MAML2: variants seen among roughly 807,000 people sequenced by gnomAD.
MAML2 encodes mastermind-like protein 2.
In MAML2, 22 loss-of-function variants were observed where a neutral mutation model predicts 96.1. The observed-to-expected ratio is 0.23, with a 90% confidence interval of 0.16 to 0.33. The LOEUF is 0.33. MAML2 is among the 10% of genes least tolerant of loss of function. The pLI is 1.00. For synonymous variants in MAML2, 561 were observed against 521.3 expected, an observed-to-expected ratio of 1.08 and a Z score of -1.04; for missense variants, 1,367 against 1,392.4, an observed-to-expected ratio of 0.98 and a Z score of 0.29.
intron 1 of MAML2, among the ~76,000 whole-genome samples, chr11:96,148,973 C>T (rs1860872179): frequency 6.6e-6 from 1 of 152,182 alleles, no homozygotes; most frequent in South Asian, 2.1e-4. Context: ...ACATATAGCC[C>T]TATTGCTTAA....
chr11:96,230,732 A>G (rs1262822146), intron 1 of MAML2, among the ~76,000 whole-genome samples: 2 of 152,202 alleles, frequency 1.3e-5, no homozygotes, highest in African/African-American at 2.4e-5. Flanking sequence ...ATCCATACCT[A>G]TCTTTGGAAA....
intron 1 of MAML2, among the ~76,000 whole-genome samples, chr11:96,175,286 C>T (rs1426437493): frequency 2.6e-5 from 4 of 152,144 alleles, no homozygotes; most frequent in African/African-American, 9.7e-5. Flanking sequence ...GAAATGGAAA[C>T]CAAATTAAAC....
At chr11:96,220,442 C>A (rs1318893539) in intron 1 of MAML2, among the ~76,000 whole-genome samples, 1 of 152,118 alleles carries the variant, frequency 6.6e-6, no homozygotes, top group African/African-American at 2.4e-5. Context: ...ATGCTTCCTG[C>A]CTTACTCTTT....
At chr11:96,227,610 T>A (rs1862233211) in intron 1 of MAML2, among the ~76,000 whole-genome samples, 1 of 152,208 alleles carries the variant, frequency 6.6e-6, no homozygotes, top group Non-Finnish European at 1.5e-5. Flanking sequence ...TTTGACATAG[T>A]TTGCTCCTCT....
At chr11:96,248,183 G>A (rs563743191) in intron 1 of MAML2, among the ~76,000 whole-genome samples, 58 of 143,920 alleles carry the variant, frequency 4.0e-4, no homozygotes, top group Non-Finnish European at 6.9e-4. Flanking sequence ...CATGATCTCC[G>A]CTCACTGCAG....
intron 1 of MAML2, among the ~76,000 whole-genome samples, chr11:96,175,764 T>C (rs1245950139): frequency 6.6e-6 from 1 of 151,964 alleles, no homozygotes; most frequent in Admixed American, 6.6e-5. Flanking sequence ...CTATTATTTA[T>C]TTATTTATTG....
chr11:96,058,086 G>A (rs1859097360), intron 2 of MAML2, among the ~76,000 whole-genome samples: 1 of 152,226 alleles, frequency 6.6e-6, no homozygotes, highest in East Asian at 1.9e-4. Flanking sequence ...GTGTGAAGTA[G>A]AGTATCCACA....
At chr11:96,314,816 T>C (rs780033288) in intron 1 of MAML2, among the ~76,000 whole-genome samples, 3 of 152,214 alleles carry the variant, frequency 2.0e-5, no homozygotes, top group East Asian at 3.8e-4. Flanking sequence ...GAAGTAGTTA[T>C]GGGAGTGGCA....
intron 2 of MAML2, among the ~76,000 whole-genome samples, chr11:96,051,464 G>A (rs1333207163): frequency 6.6e-6 from 1 of 152,066 alleles, no homozygotes; most frequent in Non-Finnish European, 1.5e-5. Context: ...ATACTAATGT[G>A]TATTATTCTA....
intron 1 of MAML2, among the ~76,000 whole-genome samples, chr11:96,179,763 A>G (rs534539993): frequency 2.6e-4 from 39 of 151,770 alleles, no homozygotes; most frequent in African/African-American, 8.7e-4. Context: ...ACTCTCTTTC[A>G]CTCTTTCATG....
intron 2 of MAML2, among the ~76,000 whole-genome samples, chr11:96,089,713 G>A (rs1859673710): frequency 1.3e-5 from 2 of 152,042 alleles, no homozygotes; most frequent in Admixed American, 1.3e-4. Flanking sequence ...GGGATCATAT[G>A]TTATAGAATT....
intron 2 of MAML2, among the ~76,000 whole-genome samples, chr11:96,054,553 T>C (rs1859033332): frequency 6.6e-6 from 1 of 152,162 alleles, no homozygotes; most frequent in Non-Finnish European, 1.5e-5. Flanking sequence ...CGGTGTTAAG[T>C]AGGACCAATT....
chr11:96,025,013 C>T (rs892742142), intron 2 of MAML2, among the ~76,000 whole-genome samples: 6 of 152,156 alleles, frequency 3.9e-5, no homozygotes, highest in Admixed American at 3.9e-4. Flanking sequence ...GAACTTAAAA[C>T]AAACTACCGT....
chr11:96,300,479 T>A (rs183592980), intron 1 of MAML2, among the ~76,000 whole-genome samples: 20 of 152,298 alleles, frequency 1.3e-4, no homozygotes, highest in African/African-American at 4.8e-4. Flanking sequence ...TACCTCTTCC[T>A]AACTCTGTTT....
At chr11:95,988,841 T>C (rs1480668052) in intron 3 of MAML2, among the ~76,000 whole-genome samples, 1 of 152,280 alleles carries the variant, frequency 6.6e-6, no homozygotes, top group East Asian at 1.9e-4. Flanking sequence ...TTATGCAATA[T>C]GAAATTTAAT....
chr11:96,183,178 T>C (rs505709), intron 1 of MAML2, among the ~76,000 whole-genome samples: 136,113 of 151,988 alleles, frequency 0.9, 61,084 homozygotes, highest in Middle Eastern at 0.95. Flanking sequence ...AGGCTGGTTT[T>C]GAACTCCTCA....
Position 95,979,913 on chromosome 11 carries a change from C to T in MAML2, c.2506G>A (p.Val836Ile), listed in dbSNP as rs34520053. The part of the protein sequence containing the change: ...LNSNQALANP[V>I]STHTILTPNS... ...GGAGTTAAAATGGTGTGTGTTGAAA[C>T]TGGGTTTGCCAAAGCCTGGTTAGAG... Residue 836 changes from valine (V) to isoleucine (I), a missense_variant, in exon 5 of 5, where the codon GTT becomes ATT. Transcript: ENST00000524717. 0.024 allele frequency: 39,383 copies of T among 1,613,782 alleles called. 604 individuals carry two copies. Among genetic ancestry groups the T allele is most frequent in the Non-Finnish European group, 0.029 (33,810 of 1,179,788 alleles).
chr11:96,230,313 CTCAT>C (rs1226247232), intron 1 of MAML2, among the ~76,000 whole-genome samples: 2 of 152,178 alleles, frequency 1.3e-5, no homozygotes, highest in Admixed American at 6.5e-5. Flanking sequence ...ATATGTTTTG[CTCAT>C]TCAAATATTT....
intron 1 of MAML2, among the ~76,000 whole-genome samples, chr11:96,141,663 T>C (rs1860732171): frequency 6.6e-6 from 1 of 152,168 alleles, no homozygotes; most frequent in Non-Finnish European, 1.5e-5. Context: ...CCGATTGCCT[T>C]CCTTCTCCAC....
Sources: allele counts gnomAD v4.1 joint callset (sites outside exome capture counted in the v4.1 genomes callset), GRCh38; gene constraint gnomAD v4.1.1; transcripts MANE v1.5; gene names NCBI Gene and HGNC (gene_info 2026-07-23, HGNC 2026-07-21).